UNC45A: variants seen among roughly 807,000 people sequenced by gnomAD.
The protein encoded by UNC45A is protein unc-45 homolog A.
Under a neutral mutation model 103.2 loss-of-function variants are expected in UNC45A, and 78 were observed. The ratio of observed to expected loss-of-function variants is 0.76; its 90% CI spans 0.63 to 0.91. The LOEUF (loss-of-function observed/expected upper bound fraction) is 0.91, where lower values mean the gene tolerates loss of function less well. Among genes scored for constraint, UNC45A ranks in the 40% least tolerant of loss-of-function variants. UNC45A has a pLI of 0.00. For synonymous variants in UNC45A, 495 were observed against 504.6 expected (o/e 0.98, Z 0.25); for missense variants, 1,193 against 1,224.8 (o/e 0.97, Z 0.39).
chr15:90,935,206 C>T, upstream of UNC45A: 1 of 1,068,454 alleles, frequency 9.4e-7, no homozygotes, highest in South Asian at 1.4e-5. Context: ...AGCCCTGCCC[C>T]TCTCTGACCC....
intron 6 of UNC45A, 168 bp downstream of exon 6, chr15:90,940,641 G>A: frequency 1.2e-6 from 1 of 800,760 alleles, no homozygotes; most frequent in Admixed American, 3.5e-5. Context: ...GGTAGGTTAT[G>A]GTGCCTCACA....
At chr15:90,950,687 C>T (rs2036858124) in intron 17 of UNC45A, 72 bp downstream of exon 17, 1 of 1,437,614 alleles carries the variant, frequency 7.0e-7, no homozygotes, top group East Asian at 2.4e-5. Context: ...GCAGTTTACA[C>T]ATTGGGAAAC....
At chr15:90,942,004 G>T (rs1443487066) in intron 6 of UNC45A, among the ~76,000 whole-genome samples, 1 of 151,868 alleles carries the variant, frequency 6.6e-6, no homozygotes, top group African/African-American at 2.4e-5. Flanking sequence ...GGGTGGAGAG[G>T]TCTCACGGGC....
At chr15:90,931,964 C>T, upstream of UNC45A, 2 of 1,613,850 alleles carry the variant, frequency 1.2e-6, no homozygotes, top group East Asian at 2.2e-5. Context: ...AGTTCCCACT[C>T]AGCCCTGAGA....
chr15:90,940,027 C>G (rs11073960), intron 5 of UNC45A, among the ~76,000 whole-genome samples: 92,419 of 152,198 alleles, frequency 0.61, 31,680 homozygotes, highest in East Asian at 0.99. Flanking sequence ...TTGTTGGCCA[C>G]GCCCTGTGCC....
At chr15:90,933,376 C>T (rs1466311447), upstream of UNC45A, 1 of 152,434 alleles carries the variant, frequency 6.6e-6, no homozygotes. Flanking sequence ...GGCTGGTGGC[C>T]TTCTGGAGAA....
upstream of UNC45A, chr15:90,931,124 C>T: frequency 4.2e-6 from 4 of 941,648 alleles, no homozygotes; most frequent in Non-Finnish European, 4.7e-6. Context: ...AGCAGGAGAC[C>T]TTCAGACTGA....
Position 90,952,965 on chromosome 15 carries a change from A to G in UNC45A, c.2340A>G (p.Ile780Met). The G allele has an allele frequency of 6.2e-7, 1 of 1,613,444 alleles. No individual in the cohort carries two copies. The highest frequency in any genetic ancestry group is 8.5e-7 in the Non-Finnish European group (1 of 1,180,016). Residue 780 changes from isoleucine to methionine, a missense_variant, in exon 18 of 20, where the codon ATA becomes ATG. Transcript: ENST00000418476. ...KILKEKAVPM[I>M]EGYMFEEHEM... Reference sequence around the variant, plus strand: ...TGAAGGAGAAGGCTGTGCCCATGATAGAAGGCTACATGTTTGAGGAGCATG... The same window carrying G: ...TGAAGGAGAAGGCTGTGCCCATGATGGAAGGCTACATGTTTGAGGAGCATG...
chr15:90,946,942 G>GGGGGGGGGC, intron 10 of UNC45A, 28 bp downstream of exon 10: 7 of 817,396 alleles, frequency 8.6e-6, no homozygotes, highest in East Asian at 6.6e-5. Context: ...GGGTGGGTGG[G>GGGGGGGGGC]CAGGCAGCCA....
Position 90,937,890 on chromosome 15 carries a change from G to A in UNC45A, c.426+1430G>A, listed in dbSNP as rs149377519. On this transcript the variant is annotated intron_variant, in intron 4 of 19. Coordinates refer to ENST00000418476, the MANE Select transcript of UNC45A (RefSeq NM_018671.5). ...TGCTGGAGTACAACCTCTTCCTCCC[G>A]GGCTCAAGCAGTCCTCCCACTTCAG... is the stretch of plus-strand genomic sequence containing the variant. Among the ~76,000 whole-genome samples the A allele has an allele frequency of 5.3e-5, 8 of 151,938 alleles. No homozygotes were observed. The East Asian group carries it at 7.7e-4, about 15-fold the overall frequency.
upstream of UNC45A, chr15:90,933,867 C>A: frequency 2.5e-6 from 1 of 393,962 alleles, no homozygotes; most frequent in Middle Eastern, 6.4e-4. Context: ...AGACAGAAAC[C>A]CAGTCCCTGT....
At chr15:90,949,573 C>G in intron 14 of UNC45A, 81 bp from the exon 15 acceptor site, 1 of 1,601,554 alleles carries the variant, frequency 6.2e-7, no homozygotes, top group Non-Finnish European at 8.5e-7. Context: ...GCGTGGCTGC[C>G]GTCTTTGCTG....
chr15:90,947,962 G>T, intron 11 of UNC45A, 72 bp downstream of exon 11: 3 of 1,450,924 alleles, frequency 2.1e-6, no homozygotes, highest in Non-Finnish European at 2.8e-6. Flanking sequence ...CTGGGTGGGG[G>T]TTGGGGCCTC....
upstream of UNC45A, chr15:90,931,798 C>T (rs2035804116): frequency 1.9e-6 from 3 of 1,614,046 alleles, no homozygotes; most frequent in Non-Finnish European, 2.5e-6. Flanking sequence ...GCGCTTGCTC[C>T]ACCTGCAGCC....
At chr15:90,950,732 T>A in intron 17 of UNC45A, 117 bp downstream of exon 17, 2 of 1,024,366 alleles carry the variant, frequency 2.0e-6, no homozygotes. Flanking sequence ...AGCCTCACAG[T>A]GACTGCTCCG....
rs756074130 is a variant in UNC45A at position 90,944,889 on chromosome 15, C to G, written c.1028-3C>G. 1.9e-6 allele frequency: 3 copies of G among 1,611,846 alleles called. No individual in the cohort carries two copies. Among genetic ancestry groups the G allele is most frequent in the South Asian group, 1.1e-5 (1 of 90,986 alleles). On this transcript the variant is annotated splice_region_variant and splice_polypyrimidine_tract_variant and intron_variant, in intron 8 of 19. Coordinates refer to ENST00000418476, the MANE Select transcript of UNC45A (RefSeq NM_018671.5). ...CTACTGTCTAAGCGGGGTGTCTTTA[C>G]AGGTCTGAAAAAGATTTTGGAAGTG...
chr15:90,934,286 G>C (rs372023794), upstream of UNC45A: 28 of 399,046 alleles, frequency 7.0e-5, no homozygotes, highest in African/African-American at 5.8e-4. Context: ...GGTGGAGTGA[G>C]CTGTGGAAAG....
In UNC45A at chr15:90,953,029, T is replaced by C. The variant is rs1166346107; in HGVS notation, c.2404T>C (p.Leu802=). 1.2e-6 allele frequency: 2 copies of C among 1,613,632 alleles called. No individual in the cohort carries two copies. Among genetic ancestry groups the C allele is most frequent in the South Asian group, 2.2e-5 (2 of 91,082 alleles). ...RRAATECMCN[L]AMSKEVQDLF... ...GGCAGCCACGGAGTGCATGTGTAACTTGGCCATGAGCAAGGAGGTGAGGGT... is the reference window on the plus strand; with the variant it reads ...GGCAGCCACGGAGTGCATGTGTAACCTGGCCATGAGCAAGGAGGTGAGGGT... Residue 802 remains leucine, a synonymous_variant, in exon 18 of 20, where the codon TTG becomes CTG. Transcript: ENST00000418476.
intron 9 of UNC45A, among the ~76,000 whole-genome samples, chr15:90,946,125 G>A (rs1303857640): frequency 6.6e-6 from 1 of 150,984 alleles, no homozygotes; most frequent in Admixed American, 6.6e-5. Flanking sequence ...GTGGTGGTGG[G>A]TGCCTGTAAT....
Sources: gnomAD v4.1 joint callset for allele counts (sites outside exome capture counted in the v4.1 genomes callset) on GRCh38, gnomAD v4.1.1 for gene constraint, MANE v1.5 for transcripts, NCBI Gene and HGNC (gene_info 2026-07-23, HGNC 2026-07-21) for gene names.